BRWD3: variants seen among roughly 807,000 people sequenced by gnomAD.
BRWD3 encodes bromodomain and WD repeat-containing protein 3.
BRWD3 carries 10 observed loss-of-function variants against 149.7 expected under a neutral mutation model. The ratio of observed to expected loss-of-function variants is 0.07; its 90% CI spans 0.04 to 0.11. The LOEUF (loss-of-function observed/expected upper bound fraction) is 0.11. BRWD3 is among the 10% of genes least tolerant of loss of function. The probability of loss-of-function intolerance (pLI) is 1.00; values close to 1 mark genes in which losing one functional copy is unlikely to be tolerated. For missense variants in BRWD3, 940 were observed against 1,373.2 expected, an observed-to-expected ratio of 0.68 and a Z score of 4.99; for synonymous variants, 504 against 456.7, an observed-to-expected ratio of 1.10 and a Z score of -1.32.
At chrX:80,679,785 A>G (rs1216175370) in intron 40 of BRWD3, among the ~76,000 whole-genome samples, 2 of 111,673 alleles carry the variant, frequency 1.8e-5, no homozygotes, top group African/African-American at 3.3e-5. Flanking sequence ...TGAATGTGAG[A>G]ACAGCTTTTG....
intron 6 of BRWD3, among the ~76,000 whole-genome samples, chrX:80,767,075 G>C (rs1050574778): frequency 8.9e-6 from 1 of 112,425 alleles, no homozygotes; most frequent in African/African-American, 3.2e-5. Flanking sequence ...ATCCACCATT[G>C]TTGAGGCTTA....
At chrX:80,726,374 A>G (rs1400896123) in intron 14 of BRWD3, among the ~76,000 whole-genome samples, 1 of 61,555 alleles carries the variant, frequency 1.6e-5, no homozygotes, top group Non-Finnish European at 3.0e-5. Context: ...TTTACATGTT[A>G]TATCTGTATA....
intron 39 of BRWD3, 55 bp from the exon 40 acceptor site, chrX:80,681,554 T>C (rs2147673988): frequency 1.0e-6 from 1 of 981,215 alleles, no homozygotes; most frequent in Non-Finnish European, 1.4e-6. Context: ...TCAGGAAAGT[T>C]AAACAGGCTA....
chrX:80,696,354 C>T (rs2072692290), intron 26 of BRWD3, among the ~76,000 whole-genome samples: 1 of 110,629 alleles, frequency 9.0e-6, no homozygotes, highest in South Asian at 3.8e-4. Flanking sequence ...AAGCAACCAC[C>T]ATGTTTCAAA....
chrX:80,714,718 A>T (rs1327149676), intron 20 of BRWD3, among the ~76,000 whole-genome samples: 2 of 112,073 alleles, frequency 1.8e-5, no homozygotes, highest in Non-Finnish European at 3.8e-5. Context: ...ATCTCTTCAA[A>T]TATTTTAAAA....
chrX:80,770,526 A>T (rs1368869183), intron 6 of BRWD3, among the ~76,000 whole-genome samples: 2 of 111,590 alleles, frequency 1.8e-5, no homozygotes, highest in African/African-American at 6.5e-5. Context: ...ATAGATGCAG[A>T]AAAGGCCTTT....
chrX:80,713,996 A>G (rs2073036449), intron 20 of BRWD3, among the ~76,000 whole-genome samples: 1 of 111,624 alleles, frequency 9.0e-6, no homozygotes, highest in African/African-American at 3.3e-5. Context: ...AGAATATTTT[A>G]AACCCAAATG....
chrX:80,765,762 T>C (rs933193816), intron 6 of BRWD3, among the ~76,000 whole-genome samples: 1 of 111,946 alleles, frequency 8.9e-6, no homozygotes, highest in African/African-American at 3.2e-5. Flanking sequence ...TGTTACAAGC[T>C]ACAGAGAAAA....
In BRWD3 at chrX:80,726,134, CAT is replaced by C. The variant is rs765077352; in HGVS notation, c.1387-1069_1387-1068del. Reference sequence around the variant, plus strand: ...GTCTGTATAACATATAACACGTTTACATATGTCTGTATAACATATAACACGTT... The same window carrying C: ...GTCTGTATAACATATAACACGTTTACATGTCTGTATAACATATAACACGTT... On this transcript the variant is annotated intron_variant, in intron 14 of 40. Coordinates refer to ENST00000373275, the MANE Select transcript of BRWD3 (RefSeq NM_153252.5). 3.8e-3 allele frequency among the ~76,000 whole-genome samples: 411 copies of C among 107,354 alleles called. 2 individuals are homozygous for C. Among genetic ancestry groups the C allele is most frequent in the Non-Finnish European group, 5.2e-3 (270 of 51,473 alleles). 93.2% of individuals were successfully genotyped at this position (107,354 alleles called of 115,157 possible). A position where few individuals can be genotyped will look rare whatever the true frequency, so the allele number is the denominator to read the frequency against.
chrX:80,782,829 C>T (rs1215538949), intron 6 of BRWD3, among the ~76,000 whole-genome samples: 2 of 110,219 alleles, frequency 1.8e-5, no homozygotes, highest in African/African-American at 6.6e-5. Context: ...ACTAGGAGTT[C>T]GTGGCTGCAG....
intron 14 of BRWD3, among the ~76,000 whole-genome samples, chrX:80,725,588 TA>T (rs1362709967): frequency 8.9e-6 from 1 of 112,641 alleles, no homozygotes. Flanking sequence ...CATTTCCTGC[TA>T]AAAAGAAATT....
At chrX:80,803,101 CAAAAAAAAAAAAAA>C (rs61306754) in intron 4 of BRWD3, among the ~76,000 whole-genome samples, 1 of 24,057 alleles carries the variant, frequency 4.2e-5, no homozygotes, top group African/African-American at 1.0e-4. Context: ...GACTCCATCT[CAAAAAAAAAAAAAA>C]AAAAAAAAAA....
At chrX:80,805,829 G>T (rs368054825) in intron 4 of BRWD3, among the ~76,000 whole-genome samples, 1 of 111,189 alleles carries the variant, frequency 9.0e-6, no homozygotes, top group Non-Finnish European at 1.9e-5. Context: ...CAGCTACTTG[G>T]GAGGCTGAAG....
chrX:80,684,243 C>T (rs1442343826), intron 36 of BRWD3, 81 bp from the exon 37 acceptor site: 23 of 873,194 alleles, frequency 2.6e-5, no homozygotes, highest in South Asian at 1.8e-4. Context: ...TCACCTACTA[C>T]GATCCACCAT....
chrX:80,773,336 C>T (rs1486517721), intron 6 of BRWD3, among the ~76,000 whole-genome samples: 1 of 111,178 alleles, frequency 9.0e-6, no homozygotes, highest in African/African-American at 3.3e-5. Flanking sequence ...TCTGCTATTC[C>T]TTTAGCCTTA....
intron 5 of BRWD3, 94 bp downstream of exon 5, chrX:80,793,528 T>C: frequency 2.1e-6 from 2 of 963,319 alleles, no homozygotes; most frequent in Non-Finnish European, 1.4e-6. Flanking sequence ...AAAACTAGTA[T>C]TTAGAAAAGC....
intron 14 of BRWD3, 22 bp downstream of exon 14, chrX:80,728,730 A>G: frequency 8.6e-7 from 1 of 1,157,742 alleles, no homozygotes; most frequent in Non-Finnish European, 1.2e-6. Flanking sequence ...CATTTTAATT[A>G]CTCTAAAAAT....
intron 17 of BRWD3, 85 bp downstream of exon 17, chrX:80,722,477 G>T: frequency 1.1e-6 from 1 of 870,647 alleles, no homozygotes; most frequent in Non-Finnish European, 1.7e-6. Context: ...CCAGAGTTTA[G>T]CAGGAGGCAT....
intron 14 of BRWD3, 28 bp from the exon 15 acceptor site, chrX:80,725,095 A>T (rs1208593118): frequency 8.3e-7 from 1 of 1,198,982 alleles, no homozygotes; most frequent in Admixed American, 2.2e-5. Context: ...ATTAACAATG[A>T]AAGCAACACG....
Sources: allele counts gnomAD v4.1 joint callset (sites outside exome capture counted in the v4.1 genomes callset), GRCh38; gene constraint gnomAD v4.1.1; transcripts MANE v1.5; gene names NCBI Gene and HGNC (gene_info 2026-07-23, HGNC 2026-07-21).